The following ACSM5 variants were observed in gnomAD, a reference collection of about 807,000 sequenced individuals.
The protein encoded by ACSM5 is acyl-CoA synthetase medium chain family member 5.
A neutral mutation model predicts 71.6 loss-of-function variants in ACSM5; 56 were observed. That is an observed-to-expected ratio of 0.78 (90% CI 0.63 to 0.98). The LOEUF (loss-of-function observed/expected upper bound fraction) is 0.98, where lower values mean the gene tolerates loss of function less well. Among genes scored for constraint, ACSM5 ranks in the 50% least tolerant of loss-of-function variants. ACSM5 has a pLI of 0.00. For synonymous variants in ACSM5, 285 were observed against 281.5 expected, an observed-to-expected ratio of 1.01 and a Z score of -0.12; for missense variants, 723 against 726.0, an observed-to-expected ratio of 1.00 and a Z score of 0.05.
Position 20,437,088 on chromosome 16 carries a change from G to A in ACSM5, c.1345G>A (p.Asp449Asn). 5 of 1,614,174 alleles carry A rather than the reference G, an allele frequency of 3.1e-6. No individual in the cohort carries two copies. The highest frequency in any genetic ancestry group is 4.2e-6 in the Non-Finnish European group (5 of 1,180,028). ...PEKTAASEQGDFYITGDRARM... is the reference protein window; with the variant it reads ...PEKTAASEQGNFYITGDRARM... The stretch of plus-strand genomic sequence containing the variant: ...GAAGACAGCTGCATCAGAACAAGGG[G>A]ACTTTTACATCACAGGGGACCGAGC... The change falls in exon 11 of 14, where the codon GAC becomes AAC. Residue 449 changes from aspartate (D) to asparagine (N), a missense_variant. Transcript: ENST00000331849.
At chr16:20,425,823 C>G (rs1567343944) in intron 6 of ACSM5, among the ~76,000 whole-genome samples, 1 of 151,760 alleles carries the variant, frequency 6.6e-6, no homozygotes, top group Non-Finnish European at 1.5e-5. Context: ...TTTCTTTGCC[C>G]ACCTGTTGAT....
At chr16:20,424,755 T>C (rs1420878417) in intron 6 of ACSM5, among the ~76,000 whole-genome samples, 1 of 152,222 alleles carries the variant, frequency 6.6e-6, no homozygotes, top group Non-Finnish European at 1.5e-5. Flanking sequence ...TTCAGCCTCA[T>C]CTGTAAGAAA....
chr16:20,430,175 G>A lies in ACSM5; in HGVS notation c.1125+374G>A, dbSNP rs1242512353. 2.0e-5 allele frequency among the ~76,000 whole-genome samples: 3 copies of A among 148,930 alleles called. 1 individual carries two copies. Among genetic ancestry groups the A allele is most frequent in the Admixed American group, 6.7e-5 (1 of 14,940 alleles). On this transcript the variant is annotated intron_variant, in intron 8 of 13. Transcript: ENST00000331849. ...GAATTCATCCATGTTACAAAAAAAC[G>A]CTCGAACCCAAAAAGCTATTGAAAT...
chr16:20,426,944 T>C (rs1966991879), intron 6 of ACSM5, among the ~76,000 whole-genome samples: 1 of 151,978 alleles, frequency 6.6e-6, no homozygotes, highest in Non-Finnish European at 1.5e-5. Flanking sequence ...ACAATAATTT[T>C]AAAGAAGATA....
At chr16:20,425,904 G>A (rs192164646) in intron 6 of ACSM5, among the ~76,000 whole-genome samples, 1 of 152,108 alleles carries the variant, frequency 6.6e-6, no homozygotes, top group African/African-American at 2.4e-5. Context: ...GTATGTGCAA[G>A]TATCTTTTTC....
Position 20,431,138 on chromosome 16 carries a change from T to C in ACSM5, c.1206+65T>C, listed in dbSNP as rs112259303. ...AGAGGAGAAAGACACACAGGCCTGG[T>C]TGGCACGGGCTGCTGGGCTGCTGGG... On this transcript the variant is annotated intron_variant, in intron 9 of 13. Coordinates refer to ENST00000331849, the MANE Select transcript of ACSM5 (RefSeq NM_017888.3). 105 of 1,599,422 alleles carry C rather than the reference T, an allele frequency of 6.6e-5. No homozygotes were observed. In the African/African-American group the frequency reaches 9.1e-4, roughly 14 times the overall value.
intron 7 of ACSM5, 54 bp from the exon 8 acceptor site, chr16:20,429,624 C>T (rs1478464803): frequency 1.4e-5 from 23 of 1,610,054 alleles, no homozygotes; most frequent in African/African-American, 2.7e-5. Flanking sequence ...CACCAGAGGG[C>T]GGGGTGATAT....
At position 20,440,609 on chromosome 16, in the gene ACSM5, C is replaced by T; in HGVS notation, c.*182C>T. The T allele has an allele frequency of 1.7e-6, 1 of 590,668 alleles. No individual in the cohort carries two copies. 36.6% of individuals were successfully genotyped at this position (590,668 alleles called of 1,614,324 possible). ...GGAAAGAGCAAAAGAATATCATTGG[C>T]CCTGATCACATAGATGCTGCGCCGC... On this transcript the variant is annotated 3_prime_UTR_variant, in exon 14 of 14. Coordinates refer to ENST00000331849, the MANE Select transcript of ACSM5 (RefSeq NM_017888.3).
At chr16:20,436,263 G>GTCCCC (rs1967197635) in intron 10 of ACSM5, among the ~76,000 whole-genome samples, 1 of 33,242 alleles carries the variant, frequency 3.0e-5, no homozygotes, top group Non-Finnish European at 5.6e-5. Flanking sequence ...CTCCCCTCCC[G>GTCCCC]TCCCCTCCCC....
At chr16:20,436,219 CT>C (rs1323594956) in intron 10 of ACSM5, among the ~76,000 whole-genome samples, 1 of 141,552 alleles carries the variant, frequency 7.1e-6, no homozygotes, top group Non-Finnish European at 1.5e-5. Context: ...CTTCCCTTCT[CT>C]TCCCTTCCCT....
Position 20,440,602 on chromosome 16 carries a change from T to G in ACSM5, c.*175T>G, listed in dbSNP as rs1216722269. Reference sequence around the variant, plus strand: ...CAATGCTGGAAAGAGCAAAAGAATATCATTGGCCCTGATCACATAGATGCT... The same window carrying G: ...CAATGCTGGAAAGAGCAAAAGAATAGCATTGGCCCTGATCACATAGATGCT... On this transcript the variant is annotated 3_prime_UTR_variant, in exon 14 of 14. Coordinates refer to ENST00000331849, the MANE Select transcript of ACSM5 (RefSeq NM_017888.3). 3.3e-6 allele frequency: 2 copies of G among 607,478 alleles called. No individual in the cohort carries two copies. Among genetic ancestry groups the G allele is most frequent in the Non-Finnish European group, 6.0e-6 (2 of 335,030 alleles). 37.6% of individuals were successfully genotyped at this position (607,478 alleles called of 1,614,324 possible). A position where few individuals can be genotyped will look rare whatever the true frequency, so the allele number is the denominator to read the frequency against.
intron 6 of ACSM5, among the ~76,000 whole-genome samples, chr16:20,426,325 G>T (rs530802009): frequency 1.3e-5 from 2 of 152,098 alleles, no homozygotes; most frequent in African/African-American, 4.8e-5. Flanking sequence ...AAATTATACC[G>T]AAACTTAGCA....
intron 12 of ACSM5, 139 bp from the exon 13 acceptor site, chr16:20,439,661 T>G: frequency 9.6e-7 from 1 of 1,042,210 alleles, no homozygotes. Context: ...GTTGTTTGTG[T>G]CATTGGCTGT....
chr16:20,409,765 G>C lies in ACSM5; in HGVS notation c.-16+100G>C, dbSNP rs940215919. ...ACATCTGAAATGGTGTCGGGGAATGGGAAGGAGGCCTGGGGATTCTAAATT... is the reference window on the plus strand; with the variant it reads ...ACATCTGAAATGGTGTCGGGGAATGCGAAGGAGGCCTGGGGATTCTAAATT... On this transcript the variant is annotated intron_variant, in intron 1 of 13. Transcript: ENST00000331849. The C allele has an allele frequency of 2.0e-5, 3 of 152,128 alleles. 1 individual carries two copies. Among genetic ancestry groups the C allele is most frequent in the Admixed American group, 2.0e-4 (3 of 15,250 alleles). 9.4% of individuals were successfully genotyped at this position (152,128 alleles called of 1,614,324 possible).
intron 4 of ACSM5, chr16:20,419,657 T>C (rs933056117): frequency 1.7e-6 from 1 of 574,164 alleles, no homozygotes; most frequent in Non-Finnish European, 3.1e-6. Context: ...CTGTGCTTCA[T>C]TTGCTTCTAT....
intron 2 of ACSM5, chr16:20,411,941 A>T (rs1966848599): frequency 2.0e-6 from 1 of 501,700 alleles, no homozygotes; most frequent in African/African-American, 1.9e-5. Context: ...TGAGACAGTT[A>T]TGTCCCTTCC....
At chr16:20,433,526 T>C (rs897273375) in intron 10 of ACSM5, among the ~76,000 whole-genome samples, 3 of 152,096 alleles carry the variant, frequency 2.0e-5, no homozygotes, top group African/African-American at 7.2e-5. Flanking sequence ...AAATTAGTTA[T>C]GTAAAGGATT....
At chr16:20,428,517 T>A (rs1967033274) in intron 7 of ACSM5, among the ~76,000 whole-genome samples, 1 of 152,198 alleles carries the variant, frequency 6.6e-6, no homozygotes, top group Non-Finnish European at 1.5e-5. Context: ...CCACTGTCCT[T>A]CAGTATCCAC....
chr16:20,438,953 TTA>T (rs1491205198), intron 12 of ACSM5, among the ~76,000 whole-genome samples: 3 of 112,160 alleles, frequency 2.7e-5, no homozygotes, highest in African/African-American at 1.1e-4. Context: ...AGACTCTGTC[TTA>T]AAAAAAAAAA....
Sources: allele counts gnomAD v4.1 joint callset (sites outside exome capture counted in the v4.1 genomes callset), GRCh38; gene constraint gnomAD v4.1.1; transcripts MANE v1.5; gene names NCBI Gene and HGNC (gene_info 2026-07-23, HGNC 2026-07-21).